The following LHPP variants were observed in gnomAD, a reference collection of about 807,000 sequenced individuals.
LHPP encodes hLHPP.
LHPP carries 24 observed loss-of-function variants against 30.3 expected under a neutral mutation model. That is an observed-to-expected ratio of 0.79 (90% confidence interval 0.57 to 1.11). LHPP has a LOEUF of 1.11. LHPP is among the 50% of genes most tolerant of loss of function. LHPP has a pLI of 0.00. For missense variants in LHPP, 356 were observed against 367.2 expected, an observed-to-expected ratio of 0.97 and a Z score of 0.25; for synonymous variants, 150 against 157.1, an observed-to-expected ratio of 0.95 and a Z score of 0.34.
intron 1 of LHPP, among the ~76,000 whole-genome samples, chr10:124,465,182 GTC>G (rs1952521679): frequency 6.6e-6 from 1 of 152,158 alleles, no homozygotes; most frequent in South Asian, 2.1e-4. Context: ...AGAGGGAACT[GTC>G]TGCAGGAAGA....
intron 6 of LHPP, among the ~76,000 whole-genome samples, chr10:124,575,914 G>T (rs557599179): frequency 2.0e-5 from 3 of 152,212 alleles, no homozygotes; most frequent in Non-Finnish European, 4.4e-5. Flanking sequence ...GAGAGCCAGG[G>T]CTGGGTGAGG....
intron 6 of LHPP, among the ~76,000 whole-genome samples, chr10:124,579,721 A>G (rs1948720318): frequency 1.3e-5 from 2 of 152,200 alleles, no homozygotes; most frequent in Non-Finnish European, 2.9e-5. Flanking sequence ...GGAGCCAGGA[A>G]TCTTTTCTTT....
chr10:124,477,703 C>T (rs1952994660), intron 1 of LHPP, among the ~76,000 whole-genome samples: 1 of 152,228 alleles, frequency 6.6e-6, no homozygotes, highest in African/African-American at 2.4e-5. Flanking sequence ...GGCAAAGTTG[C>T]TGCAGGAAAG....
rs1955201052 is a variant in LHPP, at chr10:124,541,898, C to T, written c.716+24627C>T. 6.6e-6 allele frequency among the ~76,000 whole-genome samples: 1 copy of T among 152,132 alleles called. No individual in the cohort carries two copies. Among genetic ancestry groups the T allele is most frequent in the South Asian group, 2.1e-4 (1 of 4,834 alleles). ...TGCAAGGGTGCTGCCTCCCCAGCTC[C>T]TACCTGGGGAGATGCTGACATCTGG... On this transcript the variant is annotated intron_variant, in intron 6 of 6. Transcript: ENST00000368842. The surrounding 1 kb of genome is among the most constrained non-coding windows in gnomAD (Gnocchi z 4.2).
intron 6 of LHPP, chr10:124,553,879 A>C (rs531324246): frequency 1.0e-6 from 1 of 985,382 alleles, no homozygotes; most frequent in South Asian, 4.7e-5. Flanking sequence ...GGCCCACCAC[A>C]TCTGTCTTAC....
chr10:124,516,028 G>T (rs537793825), intron 5 of LHPP, among the ~76,000 whole-genome samples: 40 of 152,292 alleles, frequency 2.6e-4, no homozygotes, highest in Admixed American at 4.6e-4. Context: ...TCCTAGCTTT[G>T]TCTCCCCAGT....
chr10:124,546,210 GT>G (rs1024337252), intron 6 of LHPP: 1 of 152,434 alleles, frequency 6.6e-6, no homozygotes, highest in African/African-American at 2.4e-5. Flanking sequence ...TAGGAGGGTT[GT>G]TGGCACCTGC....
At chr10:124,462,988 C>T (rs1215319623) in intron 1 of LHPP, among the ~76,000 whole-genome samples, 1 of 152,194 alleles carries the variant, frequency 6.6e-6, no homozygotes, top group East Asian at 1.9e-4. Flanking sequence ...CTGCCTCAGC[C>T]TCCTGAATAG....
chr10:124,598,030 T>C (rs1402695479), intron 6 of LHPP, among the ~76,000 whole-genome samples: 2 of 152,036 alleles, frequency 1.3e-5, no homozygotes, highest in Non-Finnish European at 2.9e-5. Context: ...GCTGCAAGCA[T>C]ATCCAAGTGC....
At chr10:124,609,835 A>G (rs935577877) in intron 6 of LHPP, among the ~76,000 whole-genome samples, 2 of 152,148 alleles carry the variant, frequency 1.3e-5, no homozygotes, top group African/African-American at 4.8e-5. Context: ...CCCCAGATTG[A>G]GCCGTTGTGG....
intron 5 of LHPP, among the ~76,000 whole-genome samples, chr10:124,511,285 A>G (rs1001144629): frequency 6.6e-6 from 1 of 152,236 alleles, no homozygotes; most frequent in Non-Finnish European, 1.5e-5. Flanking sequence ...ACTTACCATA[A>G]TAGATTAATC....
chr10:124,536,268 G>A (rs113539596), intron 6 of LHPP, among the ~76,000 whole-genome samples: 19 of 152,392 alleles, frequency 1.2e-4, no homozygotes, highest in Admixed American at 3.9e-4. Flanking sequence ...TCTGGGGCTG[G>A]AAGTCAGTCC....
chr10:124,525,596 G>A (rs1954713166), intron 6 of LHPP, among the ~76,000 whole-genome samples: 1 of 152,246 alleles, frequency 6.6e-6, no homozygotes, highest in African/African-American at 2.4e-5. Flanking sequence ...GGAGGCGAGT[G>A]TGTGAAAGGA....
At chr10:124,585,227 T>C (rs1948788786) in intron 6 of LHPP, among the ~76,000 whole-genome samples, 1 of 152,202 alleles carries the variant, frequency 6.6e-6, no homozygotes, top group African/African-American at 2.4e-5. Flanking sequence ...TGCACTTCCG[T>C]TGTCAAATTT....
intron 1 of LHPP, among the ~76,000 whole-genome samples, chr10:124,467,429 C>T (rs1050064628): frequency 1.3e-5 from 2 of 151,672 alleles, no homozygotes; most frequent in Non-Finnish European, 2.9e-5. Flanking sequence ...ACCATGATGG[C>T]TCATGATGTA....
chr10:124,500,382 G>A (rs1419683903), intron 5 of LHPP, among the ~76,000 whole-genome samples: 1 of 152,004 alleles, frequency 6.6e-6, no homozygotes, highest in Non-Finnish European at 1.5e-5. Context: ...TGAGGCAGGA[G>A]AATTGCTTGA....
At chr10:124,527,383 A>G (rs188680699) in intron 6 of LHPP, among the ~76,000 whole-genome samples, 15 of 152,250 alleles carry the variant, frequency 9.9e-5, no homozygotes, top group African/African-American at 3.1e-4. Flanking sequence ...CTTATTTTCA[A>G]CCATCTTGCA....
intron 1 of LHPP, among the ~76,000 whole-genome samples, chr10:124,467,708 T>G (rs1014736416): frequency 1.5e-5 from 2 of 132,130 alleles, no homozygotes; most frequent in African/African-American, 2.9e-5. Flanking sequence ...GTGTGTGTGT[T>G]TTTTGTTGTT....
rs922541098 is a variant in LHPP, at chr10:124,498,508, G to A, written c.624+380G>A. On this transcript the variant is annotated intron_variant, in intron 5 of 6. Transcript: ENST00000368842. ...GAAATAATAAAGTCACTCATTTTGCGACCTTTATATTTTGACTATTTTGGG... is the reference window on the plus strand; with the variant it reads ...GAAATAATAAAGTCACTCATTTTGCAACCTTTATATTTTGACTATTTTGGG... 90 of 1,443,742 alleles carry A rather than the reference G, an allele frequency of 6.2e-5. 2 individuals carry two copies. The South Asian group carries it at 8.9e-4, about 14-fold the overall frequency. 89.4% of individuals were successfully genotyped at this position (1,443,742 alleles called of 1,614,324 possible).
Sources: allele counts gnomAD v4.1 joint callset (sites outside exome capture counted in the v4.1 genomes callset), GRCh38; gene constraint gnomAD v4.1.1; non-coding constraint Gnocchi (gnomAD v3.1); transcripts MANE v1.5; gene names NCBI Gene and HGNC (gene_info 2026-07-23, HGNC 2026-07-21).